The following NAALADL2 variants were observed in gnomAD, a reference collection of about 807,000 sequenced individuals.
NAALADL2 encodes the protein N-acetylated alpha-linked acidic dipeptidase like 2, also known as inactive N-acetylated-alpha-linked acidic dipeptidase-like protein 2.
In NAALADL2, 76 loss-of-function variants were observed where a neutral mutation model predicts 87.2. That is an observed-to-expected ratio of 0.87 (90% CI 0.72 to 1.05). NAALADL2 has a LOEUF of 1.05. Ranked by LOEUF, NAALADL2 falls within the 50% of genes least tolerant of loss-of-function variation. NAALADL2 has a pLI of 0.00. For missense variants in NAALADL2, 1,089 were observed against 945.8 expected, an observed-to-expected ratio of 1.15 and a Z score of -1.99; for synonymous variants, 354 against 331.0, an observed-to-expected ratio of 1.07 and a Z score of -0.75.
intron 9 of NAALADL2, among the ~76,000 whole-genome samples, chr3:175,558,064 G>A (rs1463928554): frequency 2.0e-5 from 3 of 151,318 alleles, no homozygotes; most frequent in Non-Finnish European, 2.9e-5. Context: ...GCGTGGTGGC[G>A]GGCGCCTGTA....
At chr3:175,410,828 G>A (rs1055912366) in intron 5 of NAALADL2, among the ~76,000 whole-genome samples, 2 of 152,144 alleles carry the variant, frequency 1.3e-5, no homozygotes, top group Non-Finnish European at 2.9e-5. Flanking sequence ...CATAGGTTAC[G>A]ATGCTGTGAA....
In NAALADL2 at chr3:175,246,425, C is replaced by G. The variant is rs572204176; in HGVS notation, c.820-9986C>G. Reference sequence around the variant, plus strand: ...CAAACATTTTGTACATTCTGAGTCTCTCTTAGAGAACGAGAAAGGCTCAGA... The same window carrying G: ...CAAACATTTTGTACATTCTGAGTCTGTCTTAGAGAACGAGAAAGGCTCAGA... On this transcript the variant is annotated intron_variant, in intron 3 of 13. Coordinates refer to ENST00000454872, the MANE Select transcript of NAALADL2 (RefSeq NM_207015.3). 8.5e-5 allele frequency among the ~76,000 whole-genome samples: 13 copies of G among 152,248 alleles called. No individual in the cohort carries two copies. The South Asian group carries it at 2.7e-3, about 32-fold the overall frequency.
intron 7 of NAALADL2, among the ~76,000 whole-genome samples, chr3:175,465,884 C>A (rs1364437871): frequency 6.6e-6 from 1 of 152,184 alleles, no homozygotes; most frequent in Non-Finnish European, 1.5e-5. Flanking sequence ...TGTTATAAGT[C>A]AAAGGGTGAT....
chr3:175,578,111 T>A (rs9867725), intron 10 of NAALADL2, among the ~76,000 whole-genome samples: 8,828 of 149,724 alleles, frequency 0.059, 675 homozygotes, highest in African/African-American at 0.17. Context: ...TGCTTTTTTT[T>A]AAAAAATCCG....
intron 1 of NAALADL2, among the ~76,000 whole-genome samples, chr3:174,933,690 G>C (rs1231072517): frequency 6.6e-6 from 1 of 152,132 alleles, no homozygotes; most frequent in African/African-American, 2.4e-5. Context: ...GTATGAGCTA[G>C]AATAACTGAT....
chr3:175,235,565 G>C (rs1745687554), intron 3 of NAALADL2: 1 of 152,182 alleles, frequency 6.6e-6, no homozygotes. Context: ...TGATTCAGAA[G>C]CTTTGGCCTT....
intron 2 of NAALADL2, among the ~76,000 whole-genome samples, chr3:175,098,905 T>C (rs1163685902): frequency 6.6e-6 from 1 of 151,996 alleles, no homozygotes; most frequent in African/African-American, 2.4e-5. Flanking sequence ...TTTTTTTTTT[T>C]TCCCTGAGCA....
chr3:175,794,260 C>G (rs550270880), intron 13 of NAALADL2, among the ~76,000 whole-genome samples: 115 of 151,812 alleles, frequency 7.6e-4, no homozygotes, highest in African/African-American at 2.7e-3. Flanking sequence ...ATAATGAGTT[C>G]CAAATAAGTA....
intron 1 of NAALADL2, among the ~76,000 whole-genome samples, chr3:174,496,510 T>TTATA (rs5854577): frequency 0.02 from 2,969 of 145,680 alleles, 103 homozygotes; most frequent in African/African-American, 0.07. Flanking sequence ...TATTTATATA[T>TTATA]TATATATATA....
chr3:175,000,500 G>C (rs1034633385), intron 1 of NAALADL2, among the ~76,000 whole-genome samples: 9 of 152,138 alleles, frequency 5.9e-5, no homozygotes, highest in African/African-American at 2.2e-4. Context: ...TTAACGTGGT[G>C]AAGCCATACC....
rs1285556271 is a variant in NAALADL2, at chr3:175,667,161, AAAAG to A, written c.1896+39793_1896+39796del. On this transcript the variant is annotated intron_variant, in intron 11 of 13. Coordinates refer to ENST00000454872, the MANE Select transcript of NAALADL2 (RefSeq NM_207015.3). Reference sequence around the variant, plus strand: ...AAAGAAAGAGAGAGAGAGAGAAAGAAAAAGAAAGAAAGAAAGAAAGAGAAAGAAA... The same window carrying A: ...AAAGAAAGAGAGAGAGAGAGAAAGAAAAAGAAAGAAAGAAAGAGAAAGAAA... 3.1e-3 allele frequency among the ~76,000 whole-genome samples: 449 copies of A among 142,640 alleles called. 7 individuals are homozygous for A. Among genetic ancestry groups the A allele is most frequent in the East Asian group, 0.026 (129 of 4,944 alleles). 93.6% of individuals were successfully genotyped at this position (142,640 alleles called of 152,430 possible).
intron 6 of NAALADL2, among the ~76,000 whole-genome samples, chr3:175,448,773 A>C (rs897116945): frequency 6.6e-6 from 1 of 152,160 alleles, no homozygotes; most frequent in Admixed American, 6.5e-5. Context: ...CAAGTGGCTT[A>C]ATCATAGCTC....
At chr3:175,178,929 C>T (rs1434664590) in intron 2 of NAALADL2, among the ~76,000 whole-genome samples, 1 of 151,872 alleles carries the variant, frequency 6.6e-6, no homozygotes, top group Admixed American at 6.6e-5. Context: ...GATTGAAAGG[C>T]TGATTTTAAA....
chr3:175,294,866 G>T (rs569493531), intron 4 of NAALADL2, among the ~76,000 whole-genome samples: 142 of 152,266 alleles, frequency 9.3e-4, no homozygotes, highest in African/African-American at 3.2e-3. Flanking sequence ...TAGAGGATCT[G>T]CCATGCATGT....
At chr3:175,593,361 G>A (rs140909024) in intron 10 of NAALADL2, among the ~76,000 whole-genome samples, 1 of 152,248 alleles carries the variant, frequency 6.6e-6, no homozygotes, top group African/African-American at 2.4e-5. Context: ...TAGTGAGTAT[G>A]CTAATTAAGC....
At chr3:175,718,232 G>C (rs1264530637) in intron 11 of NAALADL2, 36 of 374,122 alleles carry the variant, frequency 9.6e-5, no homozygotes, top group African/African-American at 6.5e-4. Flanking sequence ...TTGATTAGTT[G>C]CTGTAACACT....
At chr3:174,874,997 C>T (rs1205156471) in intron 1 of NAALADL2, among the ~76,000 whole-genome samples, 1 of 150,854 alleles carries the variant, frequency 6.6e-6, no homozygotes, top group Admixed American at 6.6e-5. Context: ...ACCCATAGTC[C>T]CAGCTATTTG....
intron 1 of NAALADL2, among the ~76,000 whole-genome samples, chr3:174,470,288 C>T (rs1716819974): frequency 1.3e-5 from 2 of 152,088 alleles, no homozygotes; most frequent in Non-Finnish European, 2.9e-5. Flanking sequence ...TTGGCTATTT[C>T]TATATCTTCT....
intron 1 of NAALADL2, among the ~76,000 whole-genome samples, chr3:174,913,870 A>G (rs1734022491): frequency 6.6e-6 from 1 of 152,132 alleles, no homozygotes; most frequent in Admixed American, 6.6e-5. Flanking sequence ...AAATATAATT[A>G]GAAAATGTTA....
Sources: allele counts gnomAD v4.1 joint callset (sites outside exome capture counted in the v4.1 genomes callset), GRCh38; gene constraint gnomAD v4.1.1; transcripts MANE v1.5; gene names NCBI Gene and HGNC (gene_info 2026-07-23, HGNC 2026-07-21).